The following INPP4B variants were observed in gnomAD, a reference collection of about 807,000 sequenced individuals.
The protein encoded by INPP4B is inositol polyphosphate 4-phosphatase type II.
Under a neutral mutation model 122.5 loss-of-function variants are expected in INPP4B, and 55 were observed. The observed-to-expected ratio is 0.45, with a 90% CI of 0.36 to 0.56. The LOEUF is 0.56. INPP4B is among the 20% of genes least tolerant of loss of function. The probability of loss-of-function intolerance (pLI) is 0.00; values close to 1 mark genes in which losing one functional copy is unlikely to be tolerated. For synonymous variants in INPP4B, 403 were observed against 388.7 expected (o/e 1.04, Z -0.43); for missense variants, 1,000 against 1,097.7 (o/e 0.91, Z 1.26).
chr4:142,419,165 A>C (rs1035141396), intron 5 of INPP4B, among the ~76,000 whole-genome samples: 3 of 152,122 alleles, frequency 2.0e-5, no homozygotes, highest in Non-Finnish European at 2.9e-5. Flanking sequence ...ACAAAAGTAA[A>C]GATTTAAAAA....
chr4:142,815,445 G>A (rs1411656475), intron 1 of INPP4B, among the ~76,000 whole-genome samples: 4 of 152,096 alleles, frequency 2.6e-5, no homozygotes, highest in African/African-American at 9.7e-5. Flanking sequence ...TAATGTTTTT[G>A]TAAATCCCAT....
At chr4:142,702,189 T>TAA (rs569086012) in intron 2 of INPP4B, among the ~76,000 whole-genome samples, 3 of 144,952 alleles carry the variant, frequency 2.1e-5, no homozygotes, top group African/African-American at 7.6e-5. Context: ...GTAGTTTCTT[T>TAA]AAAAAAAAAA....
intron 1 of INPP4B, among the ~76,000 whole-genome samples, chr4:142,838,355 A>G (rs555340707): frequency 2.6e-5 from 4 of 152,036 alleles, no homozygotes; most frequent in Admixed American, 1.3e-4. Context: ...TCAGAAAAAT[A>G]GAGAGTAGGA....
intron 1 of INPP4B, among the ~76,000 whole-genome samples, chr4:142,738,132 T>C (rs1288657280): frequency 6.6e-6 from 1 of 152,170 alleles, no homozygotes; most frequent in Non-Finnish European, 1.5e-5. Context: ...GGATTATAAA[T>C]CATGCTGCTA....
At chr4:142,158,540 G>T (rs553106685) in intron 17 of INPP4B, among the ~76,000 whole-genome samples, 4 of 152,254 alleles carry the variant, frequency 2.6e-5, no homozygotes, top group African/African-American at 9.6e-5. Flanking sequence ...TCATAAGACA[G>T]TTCTGGACGT....
rs185097676 is a variant in INPP4B at position 142,570,632 on chromosome 4, A to C, written c.-190-107906T>G. Among the ~76,000 whole-genome samples the C allele has an allele frequency of 8.8e-3, 1,341 of 152,206 alleles. 20 individuals carry two copies. Among genetic ancestry groups the C allele is most frequent in the Non-Finnish European group, 7.9e-3 (540 of 68,006 alleles). ...TAATTAAGCCATTTAAAGTATATTT[A>C]AAGAAGAATAAAAAAATTTGTTAGC... On this transcript the variant is annotated intron_variant, in intron 2 of 25. Transcript: ENST00000262992.
chr4:142,524,564 G>T (rs1261987622), intron 2 of INPP4B, among the ~76,000 whole-genome samples: 1 of 152,036 alleles, frequency 6.6e-6, no homozygotes, highest in Non-Finnish European at 1.5e-5. Flanking sequence ...TTAGCCCTGG[G>T]ATGCAAGGCT....
intron 2 of INPP4B, among the ~76,000 whole-genome samples, chr4:142,532,723 T>C (rs1324958554): frequency 1.3e-5 from 2 of 152,140 alleles, no homozygotes; most frequent in Non-Finnish European, 2.9e-5. Flanking sequence ...AGAATGAGTA[T>C]AAAAATGGAA....
intron 10 of INPP4B, among the ~76,000 whole-genome samples, chr4:142,264,521 C>A (rs1311547417): frequency 6.6e-6 from 1 of 152,062 alleles, no homozygotes; most frequent in Non-Finnish European, 1.5e-5. Flanking sequence ...TCTTCTATTT[C>A]TATGTGTGTA....
At chr4:142,604,227 T>A (rs986062960) in intron 2 of INPP4B, among the ~76,000 whole-genome samples, 6 of 152,028 alleles carry the variant, frequency 3.9e-5, no homozygotes, top group Admixed American at 3.9e-4. Context: ...TGAACCATAG[T>A]TTCAAATAAT....
chr4:142,161,600 C>T (rs868860392), intron 16 of INPP4B, among the ~76,000 whole-genome samples: 2 of 151,840 alleles, frequency 1.3e-5, no homozygotes, highest in Non-Finnish European at 2.9e-5. Context: ...TTTCTTGGTG[C>T]ACTCTCAATA....
intron 18 of INPP4B, among the ~76,000 whole-genome samples, chr4:142,141,727 G>C (rs2152829731): frequency 6.6e-6 from 1 of 152,146 alleles, no homozygotes; most frequent in East Asian, 1.9e-4. Context: ...TTTGCAACTT[G>C]AAAAGAGAAA....
intron 1 of INPP4B, among the ~76,000 whole-genome samples, chr4:142,818,441 CGT>C (rs10656794): frequency 1.1e-4 from 17 of 149,102 alleles, no homozygotes; most frequent in East Asian, 6.0e-4. Context: ...GCAATTTAAA[CGT>C]GTGTGTGTGT....
chr4:142,673,892 T>G (rs573272195), intron 2 of INPP4B, among the ~76,000 whole-genome samples: 1 of 152,284 alleles, frequency 6.6e-6, no homozygotes, highest in African/African-American at 2.4e-5. Context: ...GGACCCATGA[T>G]ACAGCACCTA....
chr4:142,484,931 T>C (rs1821027275), intron 2 of INPP4B, among the ~76,000 whole-genome samples: 1 of 152,146 alleles, frequency 6.6e-6, no homozygotes, highest in African/African-American at 2.4e-5. Flanking sequence ...TAATGCTCTA[T>C]ATTTTTAAAA....
intron 2 of INPP4B, among the ~76,000 whole-genome samples, chr4:142,628,657 A>C (rs1256104119): frequency 6.6e-6 from 1 of 150,604 alleles, no homozygotes; most frequent in Non-Finnish European, 1.5e-5. Context: ...TAGGTTATTT[A>C]TATTTTTCTT....
At chr4:142,116,203 A>C (rs1470383518) in intron 21 of INPP4B, among the ~76,000 whole-genome samples, 1 of 152,182 alleles carries the variant, frequency 6.6e-6, no homozygotes, top group Non-Finnish European at 1.5e-5. Flanking sequence ...ACACCCACAC[A>C]ATAATAATGG....
At chr4:142,405,149 G>A in intron 6 of INPP4B, 57 bp downstream of exon 6, 4 of 960,332 alleles carry the variant, frequency 4.2e-6, no homozygotes, top group Non-Finnish European at 6.5e-6. Flanking sequence ...GCAAGAGCGA[G>A]CGAGCCAGCA....
chr4:142,123,647 A>G (rs1337471724), intron 19 of INPP4B, among the ~76,000 whole-genome samples: 1 of 152,144 alleles, frequency 6.6e-6, no homozygotes, highest in East Asian at 1.9e-4. Context: ...CATGGACAGG[A>G]GTAAGGTTGA....
Sources: allele counts gnomAD v4.1 joint callset (sites outside exome capture counted in the v4.1 genomes callset), GRCh38; gene constraint gnomAD v4.1.1; transcripts MANE v1.5; gene names NCBI Gene and HGNC (gene_info 2026-07-23, HGNC 2026-07-21).